Variants in NELL1 observed in about 807,000 individuals in gnomAD.
NELL1 encodes the protein protein kinase C-binding protein NELL1.
Under a neutral mutation model 107.4 loss-of-function variants are expected in NELL1, and 76 were observed. The ratio of observed to expected loss-of-function variants is 0.71; its 90% CI spans 0.59 to 0.86. The LOEUF is 0.86. Among genes scored for constraint, NELL1 ranks in the 40% least tolerant of loss-of-function variants. The probability of loss-of-function intolerance (pLI) is 0.00; values close to 1 mark genes in which losing one functional copy is unlikely to be tolerated. For synonymous variants in NELL1, 353 were observed against 341.2 expected, an observed-to-expected ratio of 1.03 and a Z score of -0.38; for missense variants, 1,024 against 1,005.5, an observed-to-expected ratio of 1.02 and a Z score of -0.25.
rs147219477 is a variant in NELL1 at position 21,179,505 on chromosome 11, G to C, written c.1427-49827G>C. ...TCATCCAACTTGTGATAGCAGGTGA[G>C]CACAGGCATGTTTTTAGTATGGCAA... On this transcript the variant is annotated intron_variant, in intron 13 of 19. Transcript: ENST00000357134. Among the ~76,000 whole-genome samples, 1,205 of 151,952 alleles carry C rather than the reference G, an allele frequency of 7.9e-3. 43 individuals are homozygous for C. Among genetic ancestry groups the C allele is most frequent in the African/African-American group, 0.028 (1,140 of 41,232 alleles).
At chr11:21,428,236 C>T (rs779576768) in intron 15 of NELL1, among the ~76,000 whole-genome samples, 14 of 152,164 alleles carry the variant, frequency 9.2e-5, no homozygotes, top group Middle Eastern at 3.4e-3. Context: ...GAGAACACAC[C>T]AAGGCTAACA....
At chr11:21,525,841 C>T (rs933164586) in intron 15 of NELL1, among the ~76,000 whole-genome samples, 1 of 152,134 alleles carries the variant, frequency 6.6e-6, no homozygotes, top group African/African-American at 2.4e-5. Context: ...AAACTGACTC[C>T]ATGATTATTT....
intron 14 of NELL1, among the ~76,000 whole-genome samples, chr11:21,318,797 T>G (rs180897809): frequency 6.4e-4 from 97 of 152,222 alleles, no homozygotes; most frequent in African/African-American, 2.3e-3. Flanking sequence ...CTACTTTGCT[T>G]TATTTCTGCT....
intron 3 of NELL1, among the ~76,000 whole-genome samples, chr11:20,818,540 A>T (rs1857678298): frequency 1.3e-5 from 2 of 152,234 alleles, no homozygotes; most frequent in South Asian, 4.2e-4. Context: ...AGATTTTGAA[A>T]TCAGATTGGG....
At chr11:21,304,408 G>A (rs570691896) in intron 14 of NELL1, among the ~76,000 whole-genome samples, 23 of 152,082 alleles carry the variant, frequency 1.5e-4, no homozygotes, top group East Asian at 5.8e-4. Context: ...CTTTGACTCC[G>A]AAGTCTATTG....
chr11:20,946,020 A>T (rs1301861083), intron 10 of NELL1, among the ~76,000 whole-genome samples: 1 of 152,234 alleles, frequency 6.6e-6, no homozygotes, highest in Non-Finnish European at 1.5e-5. Flanking sequence ...CTGAGAAAGG[A>T]GAGGAAGCCA....
chr11:21,288,354 G>A (rs1458522267), intron 14 of NELL1, among the ~76,000 whole-genome samples: 1 of 152,182 alleles, frequency 6.6e-6, no homozygotes, highest in African/African-American at 2.4e-5. Flanking sequence ...TGTCTGTACT[G>A]CATTTGTTGG....
intron 14 of NELL1, among the ~76,000 whole-genome samples, chr11:21,297,282 A>G (rs1367208085): frequency 2.0e-5 from 3 of 152,058 alleles, no homozygotes; most frequent in Non-Finnish European, 2.9e-5. Context: ...GGAATTTCAA[A>G]TGAAGTTATG....
rs111641124 is a variant in NELL1 at position 20,952,056 on chromosome 11, G to GAA, written c.1171+4632_1171+4633dup. ...TTTCTGGTGCTCTCAGTTAAAGGAT[G>GAA]AAAAAAAAAAAATGTCAACAATATT... is the stretch of plus-strand genomic sequence containing the variant. On this transcript the variant is annotated intron_variant, in intron 11 of 19. Transcript: ENST00000357134. Among the ~76,000 whole-genome samples the GAA allele has an allele frequency of 9.3e-4, 138 of 148,104 alleles. 1 individual carries two copies. Among genetic ancestry groups the GAA allele is most frequent in the African/African-American group, 2.3e-3 (91 of 40,360 alleles).
rs150895114 is a variant in NELL1, at chr11:20,753,142, A to C, written c.185-30538A>C. Reference sequence around the variant, plus strand: ...AATTTCTAATCCTGAGCCCAGATGAATCTCATCCAAAGAAACAGAACAAAT... The same window carrying C: ...AATTTCTAATCCTGAGCCCAGATGACTCTCATCCAAAGAAACAGAACAAAT... On this transcript the variant is annotated intron_variant, in intron 2 of 19. Coordinates refer to ENST00000357134, the MANE Select transcript of NELL1 (RefSeq NM_006157.5). Among the ~76,000 whole-genome samples, 642 of 152,330 alleles carry C rather than the reference A, an allele frequency of 4.2e-3. 4 individuals carry two copies. The highest frequency in any genetic ancestry group is 0.015 in the African/African-American group (618 of 41,578).
At chr11:20,853,775 A>G (rs998355082) in intron 4 of NELL1, among the ~76,000 whole-genome samples, 2 of 152,122 alleles carry the variant, frequency 1.3e-5, no homozygotes, top group African/African-American at 2.4e-5. Flanking sequence ...AGGTTATTCT[A>G]CTTTCCAGAT....
chr11:20,975,054 T>C (rs1297458784), intron 12 of NELL1, among the ~76,000 whole-genome samples: 1 of 152,102 alleles, frequency 6.6e-6, no homozygotes, highest in Non-Finnish European at 1.5e-5. Context: ...CTGTCACTCA[T>C]GCTGGAGTGC....
At chr11:21,033,209 T>C (rs974034415) in intron 12 of NELL1, among the ~76,000 whole-genome samples, 2 of 152,200 alleles carry the variant, frequency 1.3e-5, no homozygotes, top group Non-Finnish European at 2.9e-5. Context: ...TTGTATTAAT[T>C]CTGCCTGGTA....
At chr11:20,783,033 A>G (rs961696306) in intron 2 of NELL1, among the ~76,000 whole-genome samples, 13 of 152,230 alleles carry the variant, frequency 8.5e-5, no homozygotes, top group Non-Finnish European at 1.3e-4. Context: ...TTGCATGCTT[A>G]TGGAGAAATT....
chr11:20,862,939 A>T (rs1162760469), intron 4 of NELL1, among the ~76,000 whole-genome samples: 2 of 152,190 alleles, frequency 1.3e-5, no homozygotes, highest in Admixed American at 1.3e-4. Context: ...ATAGATCAAC[A>T]GCATCCCAAG....
Position 21,488,227 on chromosome 11 carries a change from G to A in NELL1, c.1646-46147G>A, listed in dbSNP as rs181722507. Among the ~76,000 whole-genome samples, 82 of 151,848 alleles carry A rather than the reference G, an allele frequency of 5.4e-4. 1 individual carries two copies. Among genetic ancestry groups the A allele is most frequent in the Non-Finnish European group, 6.3e-4 (43 of 67,978 alleles). On this transcript the variant is annotated intron_variant, in intron 15 of 19. Coordinates refer to ENST00000357134, the MANE Select transcript of NELL1 (RefSeq NM_006157.5). ...TTGAACAACTACAGAGTATACATTC[G>A]TCTCATTAACAAATAGAACATTCTC... is the stretch of plus-strand genomic sequence containing the variant.
chr11:21,099,532 G>GC (rs1854751627), intron 12 of NELL1, among the ~76,000 whole-genome samples: 1 of 152,138 alleles, frequency 6.6e-6, no homozygotes, highest in Non-Finnish European at 1.5e-5. Flanking sequence ...AGGCTGGCTA[G>GC]CAAAGCCCAG....
intron 2 of NELL1, among the ~76,000 whole-genome samples, chr11:20,744,153 C>T (rs1421070172): frequency 6.6e-6 from 1 of 152,166 alleles, no homozygotes; most frequent in African/African-American, 2.4e-5. Flanking sequence ...ATCACAATAG[C>T]CTCCTAACTG....
rs561390019 is a variant in NELL1 at position 20,789,555 on chromosome 11, C to G, written c.335+5725C>G. On this transcript the variant is annotated intron_variant, in intron 3 of 19. Transcript: ENST00000357134. ...GCTCTTCTCTTCTCTCCTCTTTGCC[C>G]CCAATGTGGCAAGCAAGGAGAATGT... Among the ~76,000 whole-genome samples, 4 of 152,316 alleles carry G rather than the reference C, an allele frequency of 2.6e-5. No homozygotes were observed. The South Asian group carries it at 8.3e-4, about 32-fold the overall frequency.
Sources: allele counts gnomAD v4.1 joint callset (sites outside exome capture counted in the v4.1 genomes callset), GRCh38; gene constraint gnomAD v4.1.1; transcripts MANE v1.5; gene names NCBI Gene and HGNC (gene_info 2026-07-23, HGNC 2026-07-21).